The following TMCO5A variants were observed in gnomAD, a reference collection of about 807,000 sequenced individuals.
TMCO5A encodes transmembrane and coiled-coil domain-containing protein 5A.
A neutral mutation model predicts 42.3 loss-of-function variants in TMCO5A; 34 were observed. The ratio of observed to expected loss-of-function variants is 0.80; its 90% CI spans 0.61 to 1.07. TMCO5A has a LOEUF of 1.07. Ranked by LOEUF, TMCO5A falls within the 50% of genes least tolerant of loss-of-function variation. The probability of loss-of-function intolerance (pLI) is 0.00; values close to 1 mark genes in which losing one functional copy is unlikely to be tolerated. For synonymous variants in TMCO5A, 131 were observed against 115.6 expected, an observed-to-expected ratio of 1.13 and a Z score of -0.86; for missense variants, 357 against 327.9, an observed-to-expected ratio of 1.09 and a Z score of -0.69.
chr15:38,021,398 CA>C, the TMCO5A span, among the ~76,000 whole-genome samples: 86 of 152,280 alleles, frequency 5.6e-4, 2 homozygotes, highest in East Asian at 0.016. Flanking sequence ...AGAAACTCAG[CA>C]TATTTCCACC....
downstream of TMCO5A, among the ~76,000 whole-genome samples, chr15:37,951,775 G>GGTTTAAAGGTGCTTTCTTT (rs1199166707): frequency 1.7e-4 from 26 of 152,040 alleles, no homozygotes; most frequent in Non-Finnish European, 3.2e-4. Flanking sequence ...TCTAAACAAA[G>GGTTTAAAGGTGCTTTCTTT]AAAGCACCTT....
the TMCO5A span, among the ~76,000 whole-genome samples, chr15:38,008,411 AT>A: frequency 1.3e-4 from 20 of 152,224 alleles, no homozygotes; most frequent in African/African-American, 4.8e-4. Context: ...GGAAATCAAC[AT>A]TTTCTAAAGT....
At chr15:37,983,416 G>A in the TMCO5A span, among the ~76,000 whole-genome samples, 2 of 152,200 alleles carry the variant, frequency 1.3e-5, no homozygotes, top group African/African-American at 4.8e-5. Flanking sequence ...TGGCCTGTCT[G>A]TAAAATCTCT....
intron 11 of TMCO5A, chr15:37,966,585 C>G (rs1217445958): frequency 8.5e-6 from 6 of 702,726 alleles, no homozygotes; most frequent in Admixed American, 2.0e-5. Context: ...AACCTCAAAA[C>G]AATGTCTTGG....
At chr15:38,020,316 GGTAAA>G in the TMCO5A span, 51 of 152,070 alleles carry the variant, frequency 3.4e-4, no homozygotes, top group Admixed American at 3.3e-3. Flanking sequence ...AAAACTGTGA[GGTAAA>G]AGAATAGGGT....
chr15:37,950,092 C>A (rs1449373843), intron 11 of TMCO5A, among the ~76,000 whole-genome samples: 2 of 152,152 alleles, frequency 1.3e-5, no homozygotes, highest in Non-Finnish European at 2.9e-5. Flanking sequence ...ACTGCAATAC[C>A]TTTATGGTGT....
the TMCO5A span, among the ~76,000 whole-genome samples, chr15:37,986,485 T>G: frequency 6.6e-6 from 1 of 151,668 alleles, no homozygotes; most frequent in African/African-American, 2.4e-5. Context: ...CTTAATAATT[T>G]TTAAGTGTAC....
At chr15:38,003,516 G>C in the TMCO5A span, among the ~76,000 whole-genome samples, 1 of 152,156 alleles carries the variant, frequency 6.6e-6, no homozygotes, top group Non-Finnish European at 1.5e-5. Context: ...TGTGGGTCCA[G>C]AGATGTCATC....
At chr15:37,954,950 A>G (rs554496945), downstream of TMCO5A, among the ~76,000 whole-genome samples, 7 of 152,178 alleles carry the variant, frequency 4.6e-5, no homozygotes, top group East Asian at 1.3e-3. Flanking sequence ...CAATGAATAC[A>G]CAAAAAAATG....
At chr15:37,953,137 C>G (rs185154304), downstream of TMCO5A, among the ~76,000 whole-genome samples, 13 of 152,302 alleles carry the variant, frequency 8.5e-5, no homozygotes, top group African/African-American at 3.1e-4. Flanking sequence ...CCAGGGGTAA[C>G]TCACCACCCT....
chr15:37,962,770 G>C (rs1890461462), intron 11 of TMCO5A, among the ~76,000 whole-genome samples: 1 of 152,010 alleles, frequency 6.6e-6, no homozygotes, highest in Non-Finnish European at 1.5e-5. Context: ...TAAGCTAGGA[G>C]GGTTGTATCT....
At chr15:37,982,451 T>G in the TMCO5A span, among the ~76,000 whole-genome samples, 1 of 72,836 alleles carries the variant, frequency 1.4e-5, no homozygotes, top group Non-Finnish European at 2.4e-5. Flanking sequence ...CAAATATATA[T>G]AACACCTATT....
At chr15:37,982,783 TAACA>T in the TMCO5A span, among the ~76,000 whole-genome samples, 1 of 146,344 alleles carries the variant, frequency 6.8e-6, no homozygotes, top group Non-Finnish European at 1.5e-5. Context: ...TTATATTATA[TAACA>T]GACATATATA....
chr15:37,973,157 C>A, the TMCO5A span, among the ~76,000 whole-genome samples: 3 of 139,904 alleles, frequency 2.1e-5, no homozygotes, highest in African/African-American at 7.9e-5. Flanking sequence ...TCTTTTTTTC[C>A]TTTTTTTTTT....
Sources: gnomAD v4.1 joint callset for allele counts (sites outside exome capture counted in the v4.1 genomes callset) on GRCh38, gnomAD v4.1.1 for gene constraint, MANE v1.5 for transcripts, NCBI Gene and HGNC (gene_info 2026-07-23, HGNC 2026-07-21) for gene names.